EP400: variants seen among roughly 807,000 people sequenced by gnomAD.
EP400 encodes the protein E1A-binding protein p400.
Under a neutral mutation model 354.1 loss-of-function variants are expected in EP400, and 105 were observed. The ratio of observed to expected loss-of-function variants is 0.30; its 90% CI spans 0.25 to 0.35. The LOEUF is 0.35. Among genes scored for constraint, EP400 ranks in the 10% least tolerant of loss-of-function variants. The probability of loss-of-function intolerance (pLI) is 1.00; values close to 1 mark genes in which losing one functional copy is unlikely to be tolerated. For missense variants in EP400, 3,280 were observed against 4,121.0 expected, an observed-to-expected ratio of 0.80 and a Z score of 5.59; for synonymous variants, 1,646 against 1,716.9, an observed-to-expected ratio of 0.96 and a Z score of 1.02.
chr12:131,983,275 C>T (rs1317665976), intron 5 of EP400, among the ~76,000 whole-genome samples: 2 of 152,306 alleles, frequency 1.3e-5, no homozygotes, highest in Admixed American at 1.3e-4. Context: ...GCTCCCTGGA[C>T]GCCTGCTTTG....
rs1893993778 is a variant in EP400, at chr12:132,017,782, A to G, written c.4110+61A>G. 8 of 1,466,140 alleles carry G rather than the reference A, an allele frequency of 5.5e-6. No homozygotes were observed. The highest frequency in any genetic ancestry group is 1.4e-5 in the South Asian group (1 of 69,866). The allele number at this position is 1,466,140 out of a possible 1,614,324, so 90.8% of individuals were successfully genotyped here. On this transcript the variant is annotated intron_variant, in intron 20 of 52. Transcript: ENST00000389561. The surrounding 1 kb of genome is among the most constrained non-coding windows in gnomAD (Gnocchi z 5.0). ...GATATCTTTTCTAGGCACATTATAG[A>G]TAAAACCATTCTTGGAAATGGGTTC...
intron 15 of EP400, among the ~76,000 whole-genome samples, chr12:132,008,696 G>GCCTCCTGGGCAGGAGGATCAAGGCGAT (rs1178824076): frequency 4.0e-5 from 6 of 150,620 alleles, no homozygotes; most frequent in Middle Eastern, 3.4e-3. Context: ...ATCGCTTGAG[G>GCCTCCTGGGCAGGAGGATCAAGGCGAT]CCTCCTGGGC....
At chr12:132,073,919 GTTTT>G (rs34186152) in intron 51 of EP400, among the ~76,000 whole-genome samples, 52 of 82,124 alleles carry the variant, frequency 6.3e-4, no homozygotes, top group African/African-American at 2.7e-3. Flanking sequence ...GTTTTTTGGG[GTTTT>G]TTTTTTTTTT....
intron 1 of EP400, among the ~76,000 whole-genome samples, chr12:131,952,893 A>G (rs749594283): frequency 6.6e-6 from 1 of 152,218 alleles, no homozygotes; most frequent in Non-Finnish European, 1.5e-5. Flanking sequence ...AACAGTTCAC[A>G]TTGAAAGATA....
intron 11 of EP400, among the ~76,000 whole-genome samples, chr12:131,993,770 A>C (rs1266355635): frequency 3.9e-5 from 6 of 152,224 alleles, no homozygotes; most frequent in Non-Finnish European, 8.8e-5. Context: ...GCATGTAAAC[A>C]TATCTTGACA....
chr12:132,000,598 T>G (rs942773524), intron 12 of EP400, among the ~76,000 whole-genome samples: 4 of 152,252 alleles, frequency 2.6e-5, no homozygotes, highest in Non-Finnish European at 5.9e-5. Context: ...CTCCTTAAGT[T>G]TCTGTCAGTT....
intron 39 of EP400, among the ~76,000 whole-genome samples, chr12:132,046,677 G>A (rs1005947488): frequency 2.0e-5 from 3 of 152,182 alleles, no homozygotes; most frequent in South Asian, 2.1e-4. Flanking sequence ...CATGCGTGTG[G>A]CATGCCTTCC....
chr12:132,032,978 G>A (rs113907900), intron 30 of EP400, among the ~76,000 whole-genome samples: 4 of 151,726 alleles, frequency 2.6e-5, no homozygotes, highest in Admixed American at 1.3e-4. Flanking sequence ...ACGGAGTTTC[G>A]CTCTTGTTAG....
rs779820417 is a variant in EP400 at position 131,982,202 on chromosome 12, C to T, written c.1653C>T (p.His551=). 7 of 1,613,806 alleles carry T rather than the reference C, an allele frequency of 4.3e-6. No homozygotes were observed. In the South Asian group the frequency reaches 4.4e-5, roughly 10 times the overall value. Residue 551 remains histidine (H), a synonymous_variant, in exon 5 of 53, where the codon CAC becomes CAT. Transcript: ENST00000389561. ...GPPVQNAASL[H]TPLPQLPGRL... is the part of the protein sequence containing the mutation. Reference sequence around the variant, plus strand: ...CCGTGCAGAACGCTGCCAGCTTGCACACCCCACTGCCGCAGCTGCCCGGGA... The same window carrying T: ...CCGTGCAGAACGCTGCCAGCTTGCATACCCCACTGCCGCAGCTGCCCGGGA...
rs1894356272 is a variant in EP400, at chr12:132,027,745, GTC to G, written c.5109+216_5109+217del. Among the ~76,000 whole-genome samples the G allele has an allele frequency of 1.3e-5, 2 of 152,210 alleles. No individual in the cohort carries two copies. The highest frequency in any genetic ancestry group is 6.5e-5 in the Admixed American group (1 of 15,282). On this transcript the variant is annotated intron_variant, in intron 26 of 52. Transcript: ENST00000389561. This position sits in a 1 kb window ranked among gnomAD's most constrained non-coding sequence, Gnocchi z 4.9. ...TTGTATTTTTTATGTCCTTCTGCAA[GTC>G]TTCCTGGGCATTAGAATTGCTCACT...
intron 37 of EP400, among the ~76,000 whole-genome samples, 181 bp from the exon 38 acceptor site, chr12:132,045,138 C>G (rs1164547202): frequency 6.6e-6 from 1 of 152,204 alleles, no homozygotes; most frequent in Non-Finnish European, 1.5e-5. Flanking sequence ...GTGAGGAAAC[C>G]TTCGTGTTTC....
Position 132,044,914 on chromosome 12 carries a change from G to A in EP400, c.6745G>A (p.Val2249Met), listed in dbSNP as rs1484601884. The change falls in exon 37 of 53, where the codon GTG becomes ATG. Residue 2249 changes from valine to methionine, a missense_variant. Physicochemically the swap from Val to Met is conservative, Grantham distance 21. Transcript: ENST00000389561. The part of the protein sequence containing the change: ...IPEAKLPPVY[V>M]RKERKRHKTD... Reference sequence around the variant, plus strand: ...AGAGGCTAAGCTGCCCCCTGTGTACGTGAGGAAGGAGCGGAAGCGACACAA... The same window carrying A: ...AGAGGCTAAGCTGCCCCCTGTGTACATGAGGAAGGAGCGGAAGCGACACAA... The A allele has an allele frequency of 8.1e-6, 13 of 1,614,064 alleles. No individual in the cohort carries two copies. Among genetic ancestry groups the A allele is most frequent in the Middle Eastern group, 1.6e-4 (1 of 6,084 alleles).
At chr12:131,992,905 G>A (rs1893087374) in intron 11 of EP400, among the ~76,000 whole-genome samples, 1 of 152,166 alleles carries the variant, frequency 6.6e-6, no homozygotes, top group Non-Finnish European at 1.5e-5. Context: ...GGTGAAGTGT[G>A]TTAACTTTTC....
At position 132,044,327 on chromosome 12, in the gene EP400, C is replaced by A; in HGVS notation, c.6585+16C>A. On this transcript the variant is annotated intron_variant, in intron 35 of 52. Coordinates refer to ENST00000389561, the MANE Select transcript of EP400 (RefSeq NM_015409.5). ...CTACAGCATGGTACCCGGCCCGGGG[C>A]CCTCCTGCCCTCTTGCCCCCCTGCT... 6.2e-7 allele frequency: 1 copy of A among 1,605,980 alleles called. No homozygotes were observed. The highest frequency in any genetic ancestry group is 8.5e-7 in the Non-Finnish European group (1 of 1,174,464).
intron 45 of EP400, 30 bp from the exon 46 acceptor site, chr12:132,062,080 T>C: frequency 6.3e-7 from 1 of 1,595,714 alleles, no homozygotes; most frequent in South Asian, 1.1e-5. Context: ...TGTGAAATAT[T>C]TGATGAGGTC....
At chr12:132,063,181 C>T (rs1260618187) in intron 47 of EP400, among the ~76,000 whole-genome samples, 1 of 152,172 alleles carries the variant, frequency 6.6e-6, no homozygotes, top group African/African-American at 2.4e-5. Flanking sequence ...ACCTCTGTAC[C>T]AGCTTTGCTG....
At chr12:131,969,626 A>G (rs547569310) in intron 2 of EP400, among the ~76,000 whole-genome samples, 6 of 151,272 alleles carry the variant, frequency 4.0e-5, no homozygotes, top group Non-Finnish European at 7.4e-5. Flanking sequence ...TGCACCTTGT[A>G]TATATATATA....
Position 131,982,241 on chromosome 12 carries a change from C to T in EP400, c.1692C>T (p.Ala564=), listed in dbSNP as rs200101558. 3.8e-5 allele frequency: 61 copies of T among 1,614,110 alleles called. No homozygotes were observed. The highest frequency in any genetic ancestry group is 4.6e-5 in the Non-Finnish European group (54 of 1,180,010). Residue 564 remains alanine, a synonymous_variant, in exon 5 of 53, where the codon GCC becomes GCT. Transcript: ENST00000389561. ...AGCTGCCCGGGAGGCTGCCCCCAGC[C>T]GGTGTTCCCACTGCAGCCCTCTCCT... ...LPQLPGRLPP[A]GVPTAALSSA...
chr12:132,059,861 A>G (rs1895630702), intron 45 of EP400, among the ~76,000 whole-genome samples: 1 of 123,090 alleles, frequency 8.1e-6, no homozygotes, highest in Non-Finnish European at 2.0e-5. Flanking sequence ...CAGAAAATAC[A>G]AAAAAAAAAA....
Sources: allele counts gnomAD v4.1 joint callset (sites outside exome capture counted in the v4.1 genomes callset), GRCh38; gene constraint gnomAD v4.1.1; non-coding constraint Gnocchi (gnomAD v3.1); transcripts MANE v1.5; gene names NCBI Gene and HGNC (gene_info 2026-07-23, HGNC 2026-07-21).